The following TBCEL variants were observed in gnomAD, a reference collection of about 807,000 sequenced individuals.
TBCEL encodes tubulin-specific chaperone cofactor E-like protein.
In TBCEL, 15 loss-of-function variants were observed where a neutral mutation model predicts 44.2. The ratio of observed to expected loss-of-function variants is 0.34; its 90% CI spans 0.23 to 0.52. TBCEL has a LOEUF of 0.52. Among genes scored for constraint, TBCEL ranks in the 20% least tolerant of loss-of-function variants. The pLI is 0.95. For synonymous variants in TBCEL, 171 were observed against 185.4 expected (o/e 0.92, Z 0.63); for missense variants, 319 against 506.3 (o/e 0.63, Z 3.55).
chr11:121,073,446 G>A (rs1210400206), intron 8 of TBCEL, among the ~76,000 whole-genome samples: 2 of 151,742 alleles, frequency 1.3e-5, no homozygotes, highest in Non-Finnish European at 2.9e-5. Context: ...ATTTCTAATT[G>A]ATTATTGTTG....
chr11:121,036,094 T>C (rs1011678743), intron 1 of TBCEL: 1 of 152,144 alleles, frequency 6.6e-6, no homozygotes, highest in African/African-American at 2.4e-5. Flanking sequence ...CCAAGCAAGT[T>C]CCCCCAGTTT....
chr11:121,043,944 G>A (rs1303334337), intron 2 of TBCEL, among the ~76,000 whole-genome samples: 1 of 151,984 alleles, frequency 6.6e-6, no homozygotes, highest in African/African-American at 2.4e-5. Flanking sequence ...AATTGAACAC[G>A]TATAAAGTGG....
chr11:121,066,213 G>GC (rs1300853208), intron 8 of TBCEL, among the ~76,000 whole-genome samples: 1 of 152,182 alleles, frequency 6.6e-6, no homozygotes, highest in East Asian at 1.9e-4. Context: ...GGACTTCATT[G>GC]CCCTCAGACA....
intron 8 of TBCEL, among the ~76,000 whole-genome samples, chr11:121,076,589 T>C (rs1045559876): frequency 1.3e-5 from 2 of 152,034 alleles, no homozygotes; most frequent in African/African-American, 2.4e-5. Flanking sequence ...GACAGTCATA[T>C]TGTCTGTTAC....
At chr11:121,039,715 G>A (rs1169406664) in intron 2 of TBCEL, among the ~76,000 whole-genome samples, 1 of 152,206 alleles carries the variant, frequency 6.6e-6, no homozygotes, top group African/African-American at 2.4e-5. Context: ...AGGTTGTCTT[G>A]TGAAGAAAAC....
Position 121,055,181 on chromosome 11 carries a change from A to G in TBCEL, c.585A>G (p.Leu195=). ...NLQDWTEIRK[L]GVMFPSLDTL... ...AAGACTGGACTGAAATACGAAAGTT[A>G]GGAGTTATGTTTCCTTCACTGGATA... Residue 195 remains leucine (L), a synonymous_variant, in exon 6 of 9, where the codon TTA becomes TTG. Transcript: ENST00000683345. 6.2e-7 allele frequency: 1 copy of G among 1,612,378 alleles called. No homozygotes were observed. Among genetic ancestry groups the G allele is most frequent in the Non-Finnish European group, 8.5e-7 (1 of 1,179,014 alleles).
Position 121,090,597 on chromosome 11 carries a change from G to T in TBCEL, c.*3501G>T, listed in dbSNP as rs886791630. On this transcript the variant is annotated 3_prime_UTR_variant, in exon 9 of 9. Coordinates refer to ENST00000683345, the MANE Select transcript of TBCEL (RefSeq NM_001363644.2). ...TATGTCCATTGTAGTGGTGGAGAGGGACTGGACTCTCTCAGGCTCTTTACT... is the reference window on the plus strand; with the variant it reads ...TATGTCCATTGTAGTGGTGGAGAGGTACTGGACTCTCTCAGGCTCTTTACT... 2.0e-5 allele frequency: 3 copies of T among 151,706 alleles called. No homozygotes were observed. Among genetic ancestry groups the T allele is most frequent in the Non-Finnish European group, 4.4e-5 (3 of 67,944 alleles). 9.4% of individuals were successfully genotyped at this position (151,706 alleles called of 1,614,324 possible).
intron 8 of TBCEL, among the ~76,000 whole-genome samples, chr11:121,067,249 A>G (rs1945837837): frequency 6.6e-6 from 1 of 152,204 alleles, no homozygotes; most frequent in Non-Finnish European, 1.5e-5. Context: ...TTGGCAATAA[A>G]AGACTTTAAA....
chr11:121,087,713 TA>T lies in TBCEL; in HGVS notation c.*619del, dbSNP rs1946239466. On this transcript the variant is annotated 3_prime_UTR_variant, in exon 9 of 9. Coordinates refer to ENST00000683345, the MANE Select transcript of TBCEL (RefSeq NM_001363644.2). ...TAATTGAAAGTGTTTTAAGCATTTTTAACCTGATTCTAATCTCAGGTACGCA... is the reference window on the plus strand; with the variant it reads ...TAATTGAAAGTGTTTTAAGCATTTTTACCTGATTCTAATCTCAGGTACGCA... 6.6e-6 allele frequency: 1 copy of T among 152,378 alleles called. No homozygotes were observed. The highest frequency in any genetic ancestry group is 1.5e-5 in the Non-Finnish European group (1 of 68,200). The allele number at this position is 152,378 out of a possible 1,614,324, so 9.4% of individuals were successfully genotyped here. A position where few individuals can be genotyped will look rare whatever the true frequency, so the allele number is the denominator to read the frequency against.
chr11:121,060,616 G>C (rs961421650), intron 8 of TBCEL, among the ~76,000 whole-genome samples: 1 of 151,854 alleles, frequency 6.6e-6, no homozygotes, highest in Non-Finnish European at 1.5e-5. Flanking sequence ...ATATCTTTAA[G>C]TATATGAAGA....
chr11:121,036,118 T>A lies in TBCEL; in HGVS notation c.-125-387T>A, dbSNP rs535204402. 7 of 152,246 alleles carry A rather than the reference T, an allele frequency of 4.6e-5. No homozygotes were observed. In the South Asian group the frequency reaches 1.5e-3, roughly 32 times the overall value. 9.4% of individuals were successfully genotyped at this position (152,246 alleles called of 1,614,324 possible). On this transcript the variant is annotated intron_variant, in intron 1 of 8. Transcript: ENST00000683345. ...TTCCCCCAGTTTCGTATCCTGTAAA[T>A]AGAGATAAGTTAGTTTTTCTGTTTC...
chr11:121,089,923 C>T lies in TBCEL; in HGVS notation c.*2827C>T, dbSNP rs1350275796. ...AATCAAAACCAAGGGATCCTTTCTA[C>T]ATGTGGGTGAACGGCTGCTAAAGCC... is the stretch of plus-strand genomic sequence containing the variant. On this transcript the variant is annotated 3_prime_UTR_variant, in exon 9 of 9. Transcript: ENST00000683345. 2 of 152,174 alleles carry T rather than the reference C, an allele frequency of 1.3e-5. No individual in the cohort carries two copies. The highest frequency in any genetic ancestry group is 2.9e-5 in the Non-Finnish European group (2 of 68,020). The allele number at this position is 152,174 out of a possible 1,614,324, so 9.4% of individuals were successfully genotyped here. A position where few individuals can be genotyped will look rare whatever the true frequency, so the allele number is the denominator to read the frequency against.
chr11:121,072,964 G>T (rs993396580), intron 8 of TBCEL, among the ~76,000 whole-genome samples: 1 of 151,948 alleles, frequency 6.6e-6, no homozygotes, highest in Non-Finnish European at 1.5e-5. Context: ...CTTATTTTTT[G>T]TATGTATGCT....
intron 8 of TBCEL, among the ~76,000 whole-genome samples, chr11:121,083,453 G>A (rs1161817392): frequency 6.6e-6 from 1 of 152,184 alleles, no homozygotes; most frequent in Non-Finnish European, 1.5e-5. Flanking sequence ...GCTGGGGAGT[G>A]GCAATTATTT....
At chr11:121,035,330 G>C (rs1455828434) in intron 1 of TBCEL, 1 of 151,870 alleles carries the variant, frequency 6.6e-6, no homozygotes, top group African/African-American at 2.4e-5. Flanking sequence ...CTTGCCCACA[G>C]TTACACAGAG....
At chr11:121,055,370 A>C in intron 6 of TBCEL, 62 bp downstream of exon 6, 2 of 1,428,548 alleles carry the variant, frequency 1.4e-6, no homozygotes, top group Non-Finnish European at 1.8e-6. Context: ...CATGAAATAC[A>C]ATGAAAGTAT....
At chr11:121,056,953 G>A (rs960008457) in intron 6 of TBCEL, among the ~76,000 whole-genome samples, 3 of 151,574 alleles carry the variant, frequency 2.0e-5, no homozygotes, top group Non-Finnish European at 4.4e-5. Context: ...TCTTGATGTT[G>A]TCTTTTAGCT....
chr11:121,038,082 C>T (rs1249400289), intron 2 of TBCEL, among the ~76,000 whole-genome samples: 1 of 151,980 alleles, frequency 6.6e-6, no homozygotes, highest in African/African-American at 2.4e-5. Context: ...GCCTCAGCCT[C>T]CCAAGTAGCT....
chr11:121,075,333 G>C (rs1250582669), intron 8 of TBCEL, among the ~76,000 whole-genome samples: 1 of 151,838 alleles, frequency 6.6e-6, no homozygotes, highest in East Asian at 1.9e-4. Flanking sequence ...GAAGCAACTG[G>C]ATCACTATAG....
Sources: allele counts gnomAD v4.1 joint callset (sites outside exome capture counted in the v4.1 genomes callset), GRCh38; gene constraint gnomAD v4.1.1; transcripts MANE v1.5; gene names NCBI Gene and HGNC (gene_info 2026-07-23, HGNC 2026-07-21).